Variants in LRRIQ1 observed in about 807,000 individuals in gnomAD.
LRRIQ1 encodes the protein leucine-rich repeat- and IQ domain-containing protein 1.
A neutral mutation model predicts 211.9 loss-of-function variants in LRRIQ1; 210 were observed. That is an observed-to-expected ratio of 0.99 (90% confidence interval 0.89 to 1.11). LRRIQ1 has a LOEUF of 1.11. Among genes scored for constraint, LRRIQ1 ranks in the 50% most tolerant of loss-of-function variants. LRRIQ1 has a pLI of 0.00. For missense variants in LRRIQ1, 2,136 were observed against 1,939.5 expected, an observed-to-expected ratio of 1.10 and a Z score of -1.90; for synonymous variants, 699 against 650.1, an observed-to-expected ratio of 1.08 and a Z score of -1.14.
intron 11 of LRRIQ1, among the ~76,000 whole-genome samples, chr12:85,092,408 A>C (rs951919480): frequency 2.0e-5 from 3 of 152,160 alleles, no homozygotes; most frequent in Non-Finnish European, 4.4e-5. Context: ...CCTCAGTCAC[A>C]GTTTTTGTAA....
intron 24 of LRRIQ1, among the ~76,000 whole-genome samples, chr12:85,169,342 TG>T (rs1891300820): frequency 6.6e-6 from 1 of 152,196 alleles, no homozygotes; most frequent in Non-Finnish European, 1.5e-5. Context: ...AAATGTAAGT[TG>T]GAAGCCCTTA....
rs773359954 is a variant in LRRIQ1 at position 85,065,310 on chromosome 12, C to T, written c.2440C>T (p.Leu814=). ...QDLPGCVLST[L]AECTNLQFLS... ...TTTGCCAGGCTGTGTTCTCTCCACA[C>T]TGGCAGAGTGTACAAATCTTCAGTT... is the stretch of plus-strand genomic sequence containing the variant. The change falls in exon 9 of 27, where the codon CTG becomes TTG. Residue 814 remains leucine (L), a synonymous_variant. Transcript: ENST00000393217. The T allele has an allele frequency of 1.2e-6, 2 of 1,610,784 alleles. No homozygotes were observed. The highest frequency in any genetic ancestry group is 4.5e-5 in the East Asian group (2 of 44,800).
chr12:85,198,600 C>G (rs988194388), intron 24 of LRRIQ1, among the ~76,000 whole-genome samples: 5 of 150,806 alleles, frequency 3.3e-5, no homozygotes, highest in African/African-American at 1.2e-4. Flanking sequence ...CAGAGTCTCG[C>G]TCTGTTTCCC....
chr12:85,136,640 A>G (rs951432663), intron 18 of LRRIQ1, among the ~76,000 whole-genome samples: 6 of 151,638 alleles, frequency 4.0e-5, no homozygotes, highest in Admixed American at 1.3e-4. Flanking sequence ...GGTGACTGCT[A>G]TTGTCATAGA....
At chr12:85,254,722 G>A (rs1896040627) in intron 1 of LRRIQ1, among the ~76,000 whole-genome samples, 1 of 152,032 alleles carries the variant, frequency 6.6e-6, no homozygotes, top group South Asian at 2.1e-4. Flanking sequence ...ATGTCATTTA[G>A]AAGTCTCTAG....
chr12:85,104,023 C>G lies in LRRIQ1; in HGVS notation c.3229C>G (p.Leu1077Val). The G allele has an allele frequency of 1.3e-6, 2 of 1,568,954 alleles. No individual in the cohort carries two copies. Among genetic ancestry groups the G allele is most frequent in the Non-Finnish European group, 1.7e-6 (2 of 1,157,382 alleles). The change falls in exon 14 of 27, where the codon CTT (leucine) becomes GTT (valine). Residue 1077 changes from leucine (L) to valine (V), a missense_variant. Coordinates refer to ENST00000393217, the MANE Select transcript of LRRIQ1 (RefSeq NM_001079910.2). ...TTTCAGCTTGACTAAAATCGTACCA[C>G]TTTTTCATTTTGTTTCATTGGAAAA... ...SQNSLTKIVP[L>V]FHFVSLEKLD... is the part of the protein sequence containing the mutation.
At chr12:85,124,024 T>C (rs373810585) in intron 16 of LRRIQ1, 46 bp from the exon 17 acceptor site, 2 of 1,419,918 alleles carry the variant, frequency 1.4e-6, no homozygotes, top group African/African-American at 2.9e-5. Flanking sequence ...TTTTAATATT[T>C]GCTGGTACTA....
intron 11 of LRRIQ1, among the ~76,000 whole-genome samples, chr12:85,097,674 C>G (rs548511252): frequency 6.6e-6 from 1 of 152,120 alleles, no homozygotes; most frequent in African/African-American, 2.4e-5. Flanking sequence ...ATTTAAAGAA[C>G]ATTTTCTAGA....
At position 85,040,537 on chromosome 12, in the gene LRRIQ1, A is replaced by G; in HGVS notation, c.180A>G (p.Ile60Met). ...PESVLHCINI[I>M]KNRSKAVEEL... Reference sequence around the variant, plus strand: ...CAGTTCTTCACTGTATTAACATCATAAAGAACAGGAGTAAAGCTGTTGAAG... The same window carrying G: ...CAGTTCTTCACTGTATTAACATCATGAAGAACAGGAGTAAAGCTGTTGAAG... Residue 60 changes from isoleucine (I) to methionine (M), a missense_variant, in exon 3 of 27, where the codon ATA becomes ATG. Ile to Met is a conservative substitution (Grantham distance 10). Transcript: ENST00000393217. 6.3e-7 allele frequency: 1 copy of G among 1,596,214 alleles called. No homozygotes were observed. The highest frequency in any genetic ancestry group is 8.5e-7 in the Non-Finnish European group (1 of 1,170,414).
At chr12:85,036,720 C>T (rs1237670773) in intron 1 of LRRIQ1, among the ~76,000 whole-genome samples, 2 of 151,752 alleles carry the variant, frequency 1.3e-5, no homozygotes, top group Non-Finnish European at 2.9e-5. Flanking sequence ...CTCCTTTCCA[C>T]CCTTTCTTTT....
rs1237891409 is a variant in LRRIQ1 at position 85,237,069 on chromosome 12, GT to G, written c.5016+4316del. ...ATATATTTAAATTACATATTATTGT[GT>G]TTAAAAATTAATGACCAAAATGTTA... On this transcript the variant is annotated intron_variant, in intron 26 of 26. Coordinates refer to ENST00000393217, the MANE Select transcript of LRRIQ1 (RefSeq NM_001079910.2). Among the ~76,000 whole-genome samples, 8 of 151,928 alleles carry G rather than the reference GT, an allele frequency of 5.3e-5. No homozygotes were observed. In the East Asian group the frequency reaches 1.5e-3, roughly 29 times the overall value.
chr12:85,098,277 T>G, intron 11 of LRRIQ1, 78 bp from the exon 12 acceptor site: 1 of 930,708 alleles, frequency 1.1e-6, no homozygotes. Context: ...TGCAATTATT[T>G]AGAAAAAAAA....
At chr12:85,053,011 C>A (rs1163339804) in intron 7 of LRRIQ1, among the ~76,000 whole-genome samples, 1 of 151,996 alleles carries the variant, frequency 6.6e-6, no homozygotes, top group Admixed American at 6.6e-5. Context: ...AGTACCAACT[C>A]TACATTCTAG....
intron 8 of LRRIQ1, among the ~76,000 whole-genome samples, chr12:85,058,632 T>G (rs1379575789): frequency 1.3e-5 from 2 of 152,052 alleles, no homozygotes; most frequent in African/African-American, 4.8e-5. Flanking sequence ...CTTCTCCAGC[T>G]GACTCTCTGT....
At chr12:85,123,963 GT>G (rs1423395144) in intron 16 of LRRIQ1, 106 bp from the exon 17 acceptor site, 5 of 715,354 alleles carry the variant, frequency 7.0e-6, no homozygotes, top group Non-Finnish European at 1.1e-5. Context: ...TTGTACTGAA[GT>G]TTAATATTCA....
chr12:85,053,207 T>C (rs995347422), intron 7 of LRRIQ1, among the ~76,000 whole-genome samples: 12 of 151,992 alleles, frequency 7.9e-5, no homozygotes, highest in Admixed American at 3.9e-4. Flanking sequence ...TGAAAAGATA[T>C]AAAATTTGTA....
exon 2 of LRRIQ1, chr12:85,263,787 T>C (rs964739142): frequency 6.6e-6 from 1 of 151,984 alleles, no homozygotes; most frequent in Non-Finnish European, 1.5e-5. Context: ...ACCTTAAAAT[T>C]GTCATTTAAA....
chr12:85,188,179 C>T (rs893175923), intron 24 of LRRIQ1, among the ~76,000 whole-genome samples: 12 of 151,682 alleles, frequency 7.9e-5, no homozygotes, highest in African/African-American at 2.7e-4. Flanking sequence ...CTTGCAAATA[C>T]ATCAAATTAT....
chr12:85,158,734 T>A (rs1203253127), intron 23 of LRRIQ1, among the ~76,000 whole-genome samples: 1 of 152,002 alleles, frequency 6.6e-6, no homozygotes, highest in Non-Finnish European at 1.5e-5. Flanking sequence ...AAAAGATTTA[T>A]GTTTATAAGG....
Sources: allele counts gnomAD v4.1 joint callset (sites outside exome capture counted in the v4.1 genomes callset), GRCh38; gene constraint gnomAD v4.1.1; transcripts MANE v1.5; gene names NCBI Gene and HGNC (gene_info 2026-07-23, HGNC 2026-07-21).